The following EEFSEC variants were observed in gnomAD, a reference collection of about 807,000 sequenced individuals.
EEFSEC encodes eukaryotic elongation factor, selenocysteine-tRNA specific, also known as selenocysteine-specific elongation factor.
EEFSEC carries 43 observed loss-of-function variants against 42.1 expected under a neutral mutation model. That is an observed-to-expected ratio of 1.02 (90% CI 0.80 to 1.32). EEFSEC has a LOEUF of 1.32. EEFSEC is among the 40% of genes most tolerant of loss of function. EEFSEC has a pLI of 0.00. For missense variants in EEFSEC, 745 were observed against 803.6 expected, an observed-to-expected ratio of 0.93 and a Z score of 0.88; for synonymous variants, 354 against 339.1, an observed-to-expected ratio of 1.04 and a Z score of -0.48.
chr3:128,174,167 C>T lies in EEFSEC; in HGVS notation c.316+20344C>T, dbSNP rs191499555. 8.5e-5 allele frequency among the ~76,000 whole-genome samples: 13 copies of T among 152,296 alleles called. No individual in the cohort carries two copies. The East Asian group carries it at 2.5e-3, about 29-fold the overall frequency. On this transcript the variant is annotated intron_variant, in intron 1 of 6. Transcript: ENST00000254730. ...GCTCTCTGACTGCCATGGCCTGGTACGAATGCCCTTTGGTGAAAAAGGCCA... is the reference window on the plus strand; with the variant it reads ...GCTCTCTGACTGCCATGGCCTGGTATGAATGCCCTTTGGTGAAAAAGGCCA...
At chr3:128,343,760 G>A (rs1028290604) in intron 5 of EEFSEC, among the ~76,000 whole-genome samples, 36 of 152,308 alleles carry the variant, frequency 2.4e-4, no homozygotes, top group African/African-American at 8.4e-4. Context: ...AATGACTCAT[G>A]CCTCCGAAGG....
intron 1 of EEFSEC, among the ~76,000 whole-genome samples, chr3:128,243,381 G>T (rs1422601533): frequency 6.6e-6 from 1 of 152,242 alleles, no homozygotes; most frequent in African/African-American, 2.4e-5. Flanking sequence ...AAGCAAGAGG[G>T]CCTGATGCGT....
chr3:128,341,172 C>T, intron 4 of EEFSEC, 61 bp from the exon 5 acceptor site: 9 of 1,532,612 alleles, frequency 5.9e-6, no homozygotes, highest in Middle Eastern at 1.8e-4. Context: ...CAGCTCCCCT[C>T]TCCTCCCCAC....
intron 1 of EEFSEC, among the ~76,000 whole-genome samples, chr3:128,225,977 T>C (rs1456600392): frequency 6.6e-6 from 1 of 152,186 alleles, no homozygotes; most frequent in Non-Finnish European, 1.5e-5. Flanking sequence ...CTAGTTTCAG[T>C]TGAAGAGACT....
At chr3:128,314,504 T>G (rs1246469973) in intron 4 of EEFSEC, among the ~76,000 whole-genome samples, 1 of 152,138 alleles carries the variant, frequency 6.6e-6, no homozygotes, top group East Asian at 1.9e-4. Flanking sequence ...CCACCACACC[T>G]GGCTCATTTT....
rs191393778 is a variant in EEFSEC at position 128,215,408 on chromosome 3, C to T, written c.317-31428C>T. On this transcript the variant is annotated intron_variant, in intron 1 of 6. Coordinates refer to ENST00000254730, the MANE Select transcript of EEFSEC (RefSeq NM_021937.5). ...TTGGATAAAATGATGATGATTATGA[C>T]GGTGATGGCAGAAGTTAACTACTTC... Among the ~76,000 whole-genome samples the T allele has an allele frequency of 8.5e-4, 130 of 152,218 alleles. 1 individual carries two copies. Among genetic ancestry groups the T allele is most frequent in the Admixed American group, 2.1e-3 (32 of 15,288 alleles).
intron 1 of EEFSEC, among the ~76,000 whole-genome samples, chr3:128,221,230 A>G (rs2065858218): frequency 6.6e-6 from 1 of 152,258 alleles, no homozygotes; most frequent in Non-Finnish European, 1.5e-5. Flanking sequence ...AAAAATATGC[A>G]GCCAGGTGGA....
At position 128,264,685 on chromosome 3, in the gene EEFSEC, C is replaced by G. The variant is rs1172244209; in HGVS notation, c.690C>G (p.His230Gln). Residue 230 changes from histidine (H) to glutamine (Q), a missense_variant, in exon 4 of 7, where the codon CAC becomes CAG. Coordinates refer to ENST00000254730, the MANE Select transcript of EEFSEC (RefSeq NM_021937.5). ...PSGPFLMSVDHCFSIKGQGTV... is the reference protein window; with the variant it reads ...PSGPFLMSVDQCFSIKGQGTV... ...GACCGTTCCTCATGTCTGTGGACCA[C>G]TGTTTCTCCATCAAAGGCCAAGGCA... 7 of 1,614,016 alleles carry G rather than the reference C, an allele frequency of 4.3e-6. No homozygotes were observed. Among genetic ancestry groups the G allele is most frequent in the Non-Finnish European group, 5.9e-6 (7 of 1,180,016 alleles).
intron 1 of EEFSEC, among the ~76,000 whole-genome samples, chr3:128,169,325 G>A (rs191883023): frequency 1.5e-3 from 223 of 152,336 alleles, no homozygotes; most frequent in Middle Eastern, 3.4e-3. Flanking sequence ...GGCTAGCTAC[G>A]AGTGAGAGGG....
intron 5 of EEFSEC, among the ~76,000 whole-genome samples, chr3:128,343,718 G>C (rs903388672): frequency 8.5e-5 from 13 of 152,138 alleles, no homozygotes; most frequent in African/African-American, 2.4e-4. Context: ...TGGGAGGGAG[G>C]GTCTGTGAGG....
At chr3:128,191,011 A>G (rs1576532423) in intron 1 of EEFSEC, among the ~76,000 whole-genome samples, 1 of 152,044 alleles carries the variant, frequency 6.6e-6, no homozygotes. Flanking sequence ...GCAATAGGCT[A>G]TTTCACACAA....
chr3:128,287,137 G>A (rs951470529), intron 4 of EEFSEC, among the ~76,000 whole-genome samples: 3 of 152,228 alleles, frequency 2.0e-5, no homozygotes, highest in Non-Finnish European at 2.9e-5. Flanking sequence ...AAGAATGTTG[G>A]TGTTCAGACA....
intron 5 of EEFSEC, among the ~76,000 whole-genome samples, chr3:128,351,149 G>A (rs1462275852): frequency 6.6e-6 from 1 of 152,110 alleles, no homozygotes; most frequent in Non-Finnish European, 1.5e-5. Context: ...GCTGTGGGCA[G>A]CTCCAAGCAT....
intron 1 of EEFSEC, among the ~76,000 whole-genome samples, chr3:128,165,934 G>A (rs1264157555): frequency 6.6e-6 from 1 of 152,156 alleles, no homozygotes; most frequent in Non-Finnish European, 1.5e-5. Context: ...TGTGGCACTT[G>A]AGGAAAAAAT....
chr3:128,228,686 C>G (rs1403841021), intron 1 of EEFSEC, among the ~76,000 whole-genome samples: 1 of 151,938 alleles, frequency 6.6e-6, no homozygotes, highest in Non-Finnish European at 1.5e-5. Context: ...GGGGTCTGAT[C>G]CTGTCCTTGC....
Position 128,164,085 on chromosome 3 carries a change from C to G in EEFSEC, c.316+10262C>G, listed in dbSNP as rs2065220980. Among the ~76,000 whole-genome samples the G allele has an allele frequency of 2.6e-5, 4 of 152,150 alleles. No individual in the cohort carries two copies. The South Asian group carries it at 8.3e-4, about 32-fold the overall frequency. ...CCTCCTCTTTCTGTGATGTGCCTGG[C>G]CCATGGAGACATTTGGGCTGGTAGG... On this transcript the variant is annotated intron_variant, in intron 1 of 6. Coordinates refer to ENST00000254730, the MANE Select transcript of EEFSEC (RefSeq NM_021937.5).
chr3:128,425,072 T>G, the EEFSEC span, among the ~76,000 whole-genome samples: 1 of 152,164 alleles, frequency 6.6e-6, no homozygotes, highest in Non-Finnish European at 1.5e-5. Context: ...AAATCACCCC[T>G]TTAAACATGT....
intron 4 of EEFSEC, among the ~76,000 whole-genome samples, chr3:128,295,125 A>T (rs146146913): frequency 7.2e-5 from 11 of 152,294 alleles, no homozygotes; most frequent in African/African-American, 2.6e-4. Flanking sequence ...CTCAGGTGAA[A>T]CAAAAAGAGG....
chr3:128,386,210 G>A (rs2067835885), intron 6 of EEFSEC, among the ~76,000 whole-genome samples: 1 of 152,132 alleles, frequency 6.6e-6, no homozygotes, highest in Admixed American at 6.6e-5. Flanking sequence ...AGTTTTGATG[G>A]GTGAAGTAGG....
Sources: gnomAD v4.1 joint callset for allele counts (sites outside exome capture counted in the v4.1 genomes callset) on GRCh38, gnomAD v4.1.1 for gene constraint, MANE v1.5 for transcripts, NCBI Gene and HGNC (gene_info 2026-07-23, HGNC 2026-07-21) for gene names.